The following CDH13 variants were observed in gnomAD, a reference collection of about 807,000 sequenced individuals.
The protein encoded by CDH13 is cadherin 13, also known as cadherin-13.
CDH13 carries 24 observed loss-of-function variants against 63.8 expected under a neutral mutation model. The observed-to-expected ratio is 0.38, with a 90% CI of 0.27 to 0.53. The LOEUF (loss-of-function observed/expected upper bound fraction) is 0.53. Among genes scored for constraint, CDH13 ranks in the 20% least tolerant of loss-of-function variants. The pLI is 0.85. For synonymous variants in CDH13, 503 were observed against 355.3 expected (o/e 1.42, Z -4.67); for missense variants, 1,049 against 903.1 (o/e 1.16, Z -2.07).
At chr16:83,078,028 G>A (rs1019134207) in intron 3 of CDH13, among the ~76,000 whole-genome samples, 2 of 152,058 alleles carry the variant, frequency 1.3e-5, no homozygotes, top group African/African-American at 4.8e-5. Context: ...GGCTTTGTTT[G>A]TTTTTGGCTT....
At chr16:83,015,675 A>C in intron 2 of CDH13, among the ~76,000 whole-genome samples, 1 of 51,214 alleles carries the variant, frequency 2.0e-5, no homozygotes, top group African/African-American at 6.7e-5. Flanking sequence ...GTGTGTGTGT[A>C]TGTATATATA....
chr16:83,014,967 G>T (rs1296780755), intron 2 of CDH13, among the ~76,000 whole-genome samples: 2 of 148,980 alleles, frequency 1.3e-5, no homozygotes, highest in Non-Finnish European at 3.0e-5. Context: ...CAGCAATAGG[G>T]AACTGCTTTA....
chr16:83,750,413 A>T (rs1327457135), intron 11 of CDH13, among the ~76,000 whole-genome samples: 1 of 152,208 alleles, frequency 6.6e-6, no homozygotes, highest in East Asian at 1.9e-4. Flanking sequence ...TTCAGGCCTA[A>T]TTTCCATTTT....
At chr16:83,146,443 TG>T (rs2036754916) in intron 4 of CDH13, among the ~76,000 whole-genome samples, 1 of 151,934 alleles carries the variant, frequency 6.6e-6, no homozygotes, top group African/African-American at 2.4e-5. Context: ...CTCTGCAATT[TG>T]TTTGGTCTTC....
intron 1 of CDH13, among the ~76,000 whole-genome samples, chr16:82,797,352 G>C (rs1267521031): frequency 6.6e-6 from 1 of 152,190 alleles, no homozygotes; most frequent in East Asian, 1.9e-4. Context: ...GCTGCAGAAA[G>C]AGCATCGCCA....
intron 7 of CDH13, among the ~76,000 whole-genome samples, chr16:83,529,644 G>C (rs1307421164): frequency 6.6e-6 from 1 of 152,090 alleles, no homozygotes; most frequent in African/African-American, 2.4e-5. Flanking sequence ...AAAAGACATG[G>C]ATGATCTGTA....
intron 1 of CDH13, among the ~76,000 whole-genome samples, chr16:82,640,831 C>T (rs561819071): frequency 1.3e-5 from 2 of 152,268 alleles, no homozygotes; most frequent in African/African-American, 4.8e-5. Context: ...CAGAGTAGAT[C>T]TAACATAGGA....
chr16:83,055,436 G>T (rs1218752839), intron 3 of CDH13, among the ~76,000 whole-genome samples: 1 of 151,486 alleles, frequency 6.6e-6, no homozygotes, highest in Non-Finnish European at 1.5e-5. Flanking sequence ...GACAGCACTA[G>T]AGATCTTTCA....
chr16:83,342,293 A>G (rs997070431), intron 5 of CDH13, among the ~76,000 whole-genome samples: 1 of 152,088 alleles, frequency 6.6e-6, no homozygotes, highest in Non-Finnish European at 1.5e-5. Flanking sequence ...TATCTTGTTC[A>G]TATCTTTTTC....
At chr16:83,542,715 C>A (rs562921700) in intron 7 of CDH13, among the ~76,000 whole-genome samples, 1 of 152,316 alleles carries the variant, frequency 6.6e-6, no homozygotes, top group South Asian at 2.1e-4. Context: ...GAAGCATCCA[C>A]CACTCCAGTC....
At chr16:83,571,123 A>C (rs1904582548) in intron 7 of CDH13, among the ~76,000 whole-genome samples, 1 of 151,794 alleles carries the variant, frequency 6.6e-6, no homozygotes, top group African/African-American at 2.4e-5. Context: ...CAAACATCAT[A>C]AAAGTCCTTT....
chr16:83,685,034 A>G (rs1304526685), intron 10 of CDH13, among the ~76,000 whole-genome samples: 1 of 152,174 alleles, frequency 6.6e-6, no homozygotes, highest in Admixed American at 6.5e-5. Context: ...TATGGTTGCT[A>G]GTGCTCCAAC....
chr16:83,727,595 T>C (rs1910558998), intron 10 of CDH13, among the ~76,000 whole-genome samples: 1 of 152,024 alleles, frequency 6.6e-6, no homozygotes, highest in Admixed American at 6.6e-5. Flanking sequence ...ATATCAGTTT[T>C]ACTAAATGAA....
intron 4 of CDH13, among the ~76,000 whole-genome samples, chr16:83,125,707 A>G (rs2035777963): frequency 1.3e-5 from 2 of 152,358 alleles, no homozygotes; most frequent in South Asian, 2.1e-4. Context: ...GCAGCTTTGA[A>G]TATTACGGGA....
In CDH13 at chr16:82,916,488, C is replaced by T. The variant is rs572854750; in HGVS notation, c.157+58015C>T. Among the ~76,000 whole-genome samples the T allele has an allele frequency of 6.8e-4, 103 of 152,044 alleles. 1 individual carries two copies. The highest frequency in any genetic ancestry group is 2.5e-3 in the African/African-American group (103 of 41,468). ...AGTTGGGAGGCTGAGGCAGGAGAATCGTTTGAATCTGGGAGTTGGAGGTTG... is the reference window on the plus strand; with the variant it reads ...AGTTGGGAGGCTGAGGCAGGAGAATTGTTTGAATCTGGGAGTTGGAGGTTG... On this transcript the variant is annotated intron_variant, in intron 2 of 13. Coordinates refer to ENST00000567109, the MANE Select transcript of CDH13 (RefSeq NM_001257.5).
At chr16:83,495,315 A>C (rs2074110134) in intron 7 of CDH13, among the ~76,000 whole-genome samples, 1 of 152,184 alleles carries the variant, frequency 6.6e-6, no homozygotes, top group African/African-American at 2.4e-5. Flanking sequence ...TTATAGGTGG[A>C]TTCAAATATT....
At chr16:82,970,021 G>A (rs1294574471) in intron 2 of CDH13, among the ~76,000 whole-genome samples, 1 of 151,796 alleles carries the variant, frequency 6.6e-6, no homozygotes, top group Non-Finnish European at 1.5e-5. Context: ...ACGTGCTATG[G>A]TGGTTTGCTG....
At chr16:83,395,340 A>T (rs2091867411) in intron 6 of CDH13, among the ~76,000 whole-genome samples, 1 of 151,746 alleles carries the variant, frequency 6.6e-6, no homozygotes, top group Non-Finnish European at 1.5e-5. Flanking sequence ...AAGGAAGATC[A>T]AATACTCAAG....
intron 5 of CDH13, among the ~76,000 whole-genome samples, chr16:83,301,519 C>G (rs1387218914): frequency 6.6e-6 from 1 of 152,038 alleles, no homozygotes; most frequent in Non-Finnish European, 1.5e-5. Context: ...GTGGCTGTTA[C>G]AGAGGAAGGG....
Sources: gnomAD v4.1 joint callset for allele counts (sites outside exome capture counted in the v4.1 genomes callset) on GRCh38, gnomAD v4.1.1 for gene constraint, MANE v1.5 for transcripts, NCBI Gene and HGNC (gene_info 2026-07-23, HGNC 2026-07-21) for gene names.